Variants in PSEN1 observed in about 807,000 individuals in gnomAD.
The protein encoded by PSEN1 is presenilin-1.
In PSEN1, 15 loss-of-function variants were observed where a neutral mutation model predicts 53.5. That is an observed-to-expected ratio of 0.28 (90% CI 0.19 to 0.43). PSEN1 has a LOEUF of 0.43. PSEN1 is among the 20% of genes least tolerant of loss of function. The pLI, the probability that PSEN1 is intolerant of heterozygous loss-of-function variation, is 1.00. For synonymous variants in PSEN1, 208 were observed against 209.8 expected (o/e 0.99, Z 0.08); for missense variants, 387 against 571.2 (o/e 0.68, Z 3.29).
At chr14:73,212,266 A>G (rs1036328322) in intron 10 of PSEN1, among the ~76,000 whole-genome samples, 10 of 151,076 alleles carry the variant, frequency 6.6e-5, no homozygotes, top group Non-Finnish European at 1.5e-4. Flanking sequence ...GTGCGCCACC[A>G]CGCCTGGATA....
rs375610238 is a variant in PSEN1 at position 73,162,647 on chromosome 14, T to A, written c.88-8150T>A. 1.4e-4 allele frequency among the ~76,000 whole-genome samples: 22 copies of A among 152,170 alleles called. No individual in the cohort carries two copies. In the East Asian group the frequency reaches 3.9e-3, roughly 27 times the overall value. ...TGCACTGCAGCCTAGTGACAGAGAA[T>A]CTGTCTCAAAGATAAGAAGAATGAG... On this transcript the variant is annotated intron_variant, in intron 3 of 11. Coordinates refer to ENST00000324501, the MANE Select transcript of PSEN1 (RefSeq NM_000021.4).
rs1215370127 is a variant in PSEN1 at position 73,136,538 on chromosome 14, C to T, written c.-181C>T. On this transcript the variant is annotated 5_prime_UTR_variant, in exon 1 of 12. Transcript: ENST00000324501. ...AAAACAGCGGCTGGTCTGGAAGGAACCTGAGCTACGAGCCGCGGCGGCAGC... is the reference window on the plus strand; with the variant it reads ...AAAACAGCGGCTGGTCTGGAAGGAATCTGAGCTACGAGCCGCGGCGGCAGC... 2 of 153,230 alleles carry T rather than the reference C, an allele frequency of 1.3e-5. No individual in the cohort carries two copies. The highest frequency in any genetic ancestry group is 2.4e-5 in the African/African-American group (1 of 41,592). 9.5% of individuals were successfully genotyped at this position (153,230 alleles called of 1,614,324 possible). A position where few individuals can be genotyped will look rare whatever the true frequency, so the allele number is the denominator to read the frequency against.
chr14:73,177,039 CTTAT>C (rs1898066956), intron 5 of PSEN1, among the ~76,000 whole-genome samples: 1 of 152,156 alleles, frequency 6.6e-6, no homozygotes, highest in Non-Finnish European at 1.5e-5. Flanking sequence ...TGCCATTTGA[CTTAT>C]TTATTGCCTC....
chr14:73,150,115 G>T (rs562450338), intron 3 of PSEN1, among the ~76,000 whole-genome samples: 1 of 152,182 alleles, frequency 6.6e-6, no homozygotes, highest in East Asian at 1.9e-4. Context: ...AGAAAGTATG[G>T]CACATAATGT....
intron 10 of PSEN1, among the ~76,000 whole-genome samples, chr14:73,213,913 T>G (rs915749963): frequency 4.6e-5 from 7 of 152,148 alleles, no homozygotes; most frequent in Admixed American, 4.6e-4. Context: ...AATAGTATAG[T>G]GATTTTGGAA....
chr14:73,189,470 G>C (rs1898636198), intron 6 of PSEN1, among the ~76,000 whole-genome samples: 1 of 152,036 alleles, frequency 6.6e-6, no homozygotes. Flanking sequence ...AAATTAGCCG[G>C]GCGTGGTGGT....
At chr14:73,175,725 C>T (rs1595006024) in intron 5 of PSEN1, among the ~76,000 whole-genome samples, 1 of 152,236 alleles carries the variant, frequency 6.6e-6, no homozygotes, top group East Asian at 1.9e-4. Context: ...TCTAGTGTTT[C>T]ACTATTTTAA....
chr14:73,203,563 A>G (rs1899319201), intron 8 of PSEN1, among the ~76,000 whole-genome samples: 1 of 152,242 alleles, frequency 6.6e-6, no homozygotes, highest in South Asian at 2.1e-4. Flanking sequence ...TTCTCTAAAA[A>G]TCAATAAATA....
chr14:73,200,043 G>A (rs1044350351), intron 8 of PSEN1, among the ~76,000 whole-genome samples: 1 of 152,196 alleles, frequency 6.6e-6, no homozygotes, highest in African/African-American at 2.4e-5. Flanking sequence ...CACCATGCCC[G>A]GCCACTGCTT....
chr14:73,146,184 C>CTTT (rs548565070), intron 1 of PSEN1: 4,215 of 124,638 alleles, frequency 0.034, 91 homozygotes, highest in Non-Finnish European at 0.056. Flanking sequence ...TTTAAAAAAT[C>CTTT]TTTTTTTTTT....
intron 1 of PSEN1, chr14:73,138,222 A>G (rs1004351767): frequency 1.4e-5 from 2 of 145,008 alleles, no homozygotes; most frequent in African/African-American, 2.8e-5. Context: ...TTATTTATTT[A>G]TTTATTTATT....
Position 73,211,575 on chromosome 14 carries a change from A to G in PSEN1, c.956-194A>G. Among the ~76,000 whole-genome samples the G allele has an allele frequency of 1.3e-5, 2 of 152,204 alleles. 1 individual carries two copies. The highest frequency in any genetic ancestry group is 6.3e-3 in the Middle Eastern group (2 of 316). ...GAGGGGGTGGGAACCCAAACAATTC[A>G]GGATTCTGCCCTCAGGAAATAAAGG... On this transcript the variant is annotated intron_variant, in intron 9 of 11. Coordinates refer to ENST00000324501, the MANE Select transcript of PSEN1 (RefSeq NM_000021.4).
At chr14:73,203,006 T>A (rs1459574967) in intron 8 of PSEN1, among the ~76,000 whole-genome samples, 1 of 140,170 alleles carries the variant, frequency 7.1e-6, no homozygotes, top group Non-Finnish European at 1.6e-5. Context: ...CAAGATTGCA[T>A]CTGTTCTTTT....
chr14:73,221,657 A>G lies in PSEN1; in HGVS notation c.*2368A>G, dbSNP rs1335445384. 6.6e-6 allele frequency: 1 copy of G among 152,072 alleles called. No homozygotes were observed. The highest frequency in any genetic ancestry group is 2.4e-5 in the African/African-American group (1 of 41,392). The allele number at this position is 152,072 out of a possible 1,614,324, so 9.4% of individuals were successfully genotyped here. A position where few individuals can be genotyped will look rare whatever the true frequency, so the allele number is the denominator to read the frequency against. On this transcript the variant is annotated 3_prime_UTR_variant, in exon 12 of 12. Coordinates refer to ENST00000324501, the MANE Select transcript of PSEN1 (RefSeq NM_000021.4). ...GGCTAGACTTGAACTCCTGGGCTCA[A>G]GTAATCCACCTCAGCCTGAGTAGCT...
chr14:73,166,455 A>C (rs1216870843), intron 3 of PSEN1, among the ~76,000 whole-genome samples: 4 of 152,266 alleles, frequency 2.6e-5, no homozygotes, highest in Non-Finnish European at 4.4e-5. Flanking sequence ...GACAAAAAGA[A>C]TAAATGAGAT....
chr14:73,143,748 C>T lies in PSEN1; in HGVS notation c.-135-4047C>T, dbSNP rs1896989754. Among the ~76,000 whole-genome samples the T allele has an allele frequency of 2.0e-5, 3 of 151,982 alleles. No homozygotes were observed. The South Asian group carries it at 6.2e-4, about 32-fold the overall frequency. On this transcript the variant is annotated intron_variant, in intron 1 of 11. Coordinates refer to ENST00000324501, the MANE Select transcript of PSEN1 (RefSeq NM_000021.4). ...AAAATGACCAGTGGCTGCAGTGGCT[C>T]AGGCCTGTAATCCTGGCTAGTTGGG... is the stretch of plus-strand genomic sequence containing the variant.
intron 5 of PSEN1, among the ~76,000 whole-genome samples, chr14:73,184,980 A>C: frequency 6.9e-6 from 1 of 144,956 alleles, no homozygotes; most frequent in Admixed American, 6.8e-5. Flanking sequence ...GCGGCGGGGC[A>C]GAGGCGCTCC....
rs1255206924 is a variant in PSEN1, at chr14:73,220,136, G to A, written c.*847G>A. The A allele has an allele frequency of 6.6e-6, 1 of 152,236 alleles. No homozygotes were observed. Among genetic ancestry groups the A allele is most frequent in the Non-Finnish European group, 1.5e-5 (1 of 68,068 alleles). 9.4% of individuals were successfully genotyped at this position (152,236 alleles called of 1,614,324 possible). Reference sequence around the variant, plus strand: ...TTTTCCACCAAATTCTGAATTTGTAGACATACTTGTACGCTCACTTGCCCC... The same window carrying A: ...TTTTCCACCAAATTCTGAATTTGTAAACATACTTGTACGCTCACTTGCCCC... On this transcript the variant is annotated 3_prime_UTR_variant, in exon 12 of 12. Coordinates refer to ENST00000324501, the MANE Select transcript of PSEN1 (RefSeq NM_000021.4).
chr14:73,195,613 A>G (rs1175866789), intron 7 of PSEN1, among the ~76,000 whole-genome samples: 2 of 152,152 alleles, frequency 1.3e-5, no homozygotes, highest in Admixed American at 1.3e-4. Context: ...GTTTTAAGAA[A>G]CAGGATCTCA....
Sources: allele counts gnomAD v4.1 joint callset (sites outside exome capture counted in the v4.1 genomes callset), GRCh38; gene constraint gnomAD v4.1.1; transcripts MANE v1.5; gene names NCBI Gene and HGNC (gene_info 2026-07-23, HGNC 2026-07-21).